Variants in TENT2 observed in about 807,000 individuals in gnomAD.
TENT2 encodes the protein terminal nucleotidyltransferase 2, also known as poly(A) RNA polymerase GLD2.
A neutral mutation model predicts 72.2 loss-of-function variants in TENT2; 44 were observed. That is an observed-to-expected ratio of 0.61 (90% CI 0.48 to 0.78). TENT2 has a LOEUF of 0.78. TENT2 is among the 30% of genes least tolerant of loss of function. The pLI, the probability that TENT2 is intolerant of heterozygous loss-of-function variation, is 0.00. For missense variants in TENT2, 541 were observed against 569.6 expected, an observed-to-expected ratio of 0.95 and a Z score of 0.51; for synonymous variants, 212 against 192.5, an observed-to-expected ratio of 1.10 and a Z score of -0.84.
In TENT2 at chr5:79,685,288, T is replaced by G; in HGVS notation, c.*15T>G. The G allele has an allele frequency of 6.5e-7, 1 of 1,532,208 alleles. No individual in the cohort carries two copies. Among genetic ancestry groups the G allele is most frequent in the Admixed American group, 2.1e-5 (1 of 48,220 alleles). 94.9% of individuals were successfully genotyped at this position (1,532,208 alleles called of 1,614,324 possible). ...TGAAAAGATAACTGGCCTCTATTTC[T>G]TAATAAATTCTTCCAAGAAATAAAG... is the stretch of plus-strand genomic sequence containing the variant. On this transcript the variant is annotated 3_prime_UTR_variant, in exon 15 of 15. Transcript: ENST00000453514.
chr5:79,660,675 A>T (rs1431094805), intron 11 of TENT2, among the ~76,000 whole-genome samples: 1 of 152,216 alleles, frequency 6.6e-6, no homozygotes, highest in East Asian at 1.9e-4. Context: ...TGGTCTCATA[A>T]GATGGTGATA....
chr5:79,678,721 C>T (rs568649014), intron 12 of TENT2, among the ~76,000 whole-genome samples: 19 of 152,170 alleles, frequency 1.2e-4, no homozygotes, highest in East Asian at 3.9e-4. Context: ...CCACTTCTAT[C>T]GAAAATTTCA....
At chr5:79,669,950 C>T (rs942740430) in intron 12 of TENT2, among the ~76,000 whole-genome samples, 6 of 151,928 alleles carry the variant, frequency 3.9e-5, no homozygotes, top group African/African-American at 7.3e-5. Context: ...TATTTCAGGC[C>T]GGGCGCGGTA....
chr5:79,653,882 C>T (rs1452186921), intron 10 of TENT2, among the ~76,000 whole-genome samples: 1 of 152,206 alleles, frequency 6.6e-6, no homozygotes, highest in Non-Finnish European at 1.5e-5. Context: ...CCTCACTGGC[C>T]TTAATCTCAC....
chr5:79,620,627 CTCT>C (rs1196902366), intron 3 of TENT2: 5 of 152,252 alleles, frequency 3.3e-5, no homozygotes, highest in East Asian at 3.8e-4. Flanking sequence ...GTGTCCTCAT[CTCT>C]TCTTCTAAGG....
At chr5:79,679,457 T>A in intron 12 of TENT2, 122 bp from the exon 13 acceptor site, 1 of 483,654 alleles carries the variant, frequency 2.1e-6, no homozygotes, top group Non-Finnish European at 3.5e-6. Context: ...GTGCTGAGGG[T>A]TGGGGCACAG....
At chr5:79,679,429 TG>T (rs944265796) in intron 12 of TENT2, 149 bp from the exon 13 acceptor site, 12 of 405,974 alleles carry the variant, frequency 3.0e-5, no homozygotes, top group Non-Finnish European at 4.8e-5. Context: ...AATATAGAGG[TG>T]GGAAATAGGG....
At chr5:79,648,816 G>A (rs1791234766) in intron 9 of TENT2, 123 bp downstream of exon 9, 1 of 829,586 alleles carries the variant, frequency 1.2e-6, no homozygotes, top group African/African-American at 1.7e-5. Context: ...TATTTTATTT[G>A]TATATGTTGC....
chr5:79,624,691 A>G (rs947839879), intron 4 of TENT2, among the ~76,000 whole-genome samples: 2 of 152,174 alleles, frequency 1.3e-5, no homozygotes, highest in African/African-American at 4.8e-5. Flanking sequence ...TTTTTCATTT[A>G]GCATGTTTTC....
chr5:79,629,259 C>T (rs1009969612), intron 4 of TENT2, among the ~76,000 whole-genome samples: 1 of 152,248 alleles, frequency 6.6e-6, no homozygotes, highest in African/African-American at 2.4e-5. Context: ...CTCTGTTTAC[C>T]AATCACATAT....
chr5:79,666,719 C>G (rs1808404155), intron 11 of TENT2, among the ~76,000 whole-genome samples: 1 of 152,092 alleles, frequency 6.6e-6, no homozygotes. Flanking sequence ...GGAAAGTGAT[C>G]ATCTTTCACT....
chr5:79,649,794 C>T (rs920124391), intron 10 of TENT2, among the ~76,000 whole-genome samples: 3 of 152,062 alleles, frequency 2.0e-5, no homozygotes, highest in African/African-American at 2.4e-5. Flanking sequence ...AGAATTTTTA[C>T]GGTACTGAAA....
In TENT2 at chr5:79,620,027, A is replaced by G; in HGVS notation, c.171A>G (p.Thr57=). The G allele has an allele frequency of 2.5e-6, 4 of 1,612,298 alleles. No homozygotes were observed. Among genetic ancestry groups the G allele is most frequent in the Non-Finnish European group, 3.4e-6 (4 of 1,178,938 alleles). ...GAGCTGTGTCATTACAGCAGCTGAC[A>G]TATGGAAATGTCAGTCCAATACAGA... The part of the protein sequence containing the change: ...LSRAVSLQQL[T]YGNVSPIQTS... The change falls in exon 3 of 15, where the codon ACA becomes ACG. Residue 57 remains threonine (T), a synonymous_variant. Coordinates refer to ENST00000453514, the MANE Select transcript of TENT2 (RefSeq NM_001114394.3).
At chr5:79,678,707 G>T (rs554852987) in intron 12 of TENT2, among the ~76,000 whole-genome samples, 4 of 152,208 alleles carry the variant, frequency 2.6e-5, no homozygotes, top group African/African-American at 4.8e-5. Context: ...TCCTAAAACA[G>T]CATCCACTTC....
intron 3 of TENT2, among the ~76,000 whole-genome samples, chr5:79,622,520 T>G (rs1046973991): frequency 6.6e-6 from 1 of 152,196 alleles, no homozygotes; most frequent in Admixed American, 6.5e-5. Context: ...TCTGTATGCC[T>G]TTTGCCTAGA....
Position 79,640,863 on chromosome 5 carries a change from A to G in TENT2, c.478A>G (p.Ile160Val), listed in dbSNP as rs1342538422. 1 of 1,605,678 alleles carries G rather than the reference A, an allele frequency of 6.2e-7. No individual in the cohort carries two copies. Among genetic ancestry groups the G allele is most frequent in the African/African-American group, 1.3e-5 (1 of 74,516 alleles). The change falls in exon 5 of 15, where the codon ATA (isoleucine) becomes GTA (valine). Residue 160 changes from isoleucine to valine, a missense_variant. Coordinates refer to ENST00000453514, the MANE Select transcript of TENT2 (RefSeq NM_001114394.3). The stretch of plus-strand genomic sequence containing the variant: ...CGGTGGATTCAAGTTGAGTCAGCAG[A>G]TACTGGAGTTATTTGAAACATGTCA... ...PEAKDKLSQQILELFETCQQQ... is the reference protein window; with the variant it reads ...PEAKDKLSQQVLELFETCQQQ...
chr5:79,655,478 C>T (rs778124233), intron 10 of TENT2, among the ~76,000 whole-genome samples: 3 of 151,884 alleles, frequency 2.0e-5, no homozygotes, highest in Non-Finnish European at 4.4e-5. Flanking sequence ...TTTTAGTATA[C>T]TAGAGTATTG....
At position 79,687,532 on chromosome 5, in the gene TENT2, G is replaced by A. The variant is rs892095925; in HGVS notation, c.*2259G>A. On this transcript the variant is annotated 3_prime_UTR_variant, in exon 15 of 15. Transcript: ENST00000453514. Reference sequence around the variant, plus strand: ...AAATCATCTCTAAATTACCTGATACGTAATACAATGTAAATGCTATGTAAA... The same window carrying A: ...AAATCATCTCTAAATTACCTGATACATAATACAATGTAAATGCTATGTAAA... 2.0e-5 allele frequency among the ~76,000 whole-genome samples: 3 copies of A among 152,082 alleles called. No individual in the cohort carries two copies. The highest frequency in any genetic ancestry group is 6.5e-5 in the Admixed American group (1 of 15,268).
chr5:79,626,433 G>A (rs1272505680), intron 4 of TENT2, among the ~76,000 whole-genome samples: 5 of 150,724 alleles, frequency 3.3e-5, no homozygotes, highest in South Asian at 2.1e-4. Context: ...TCAGCCTCCC[G>A]AGTAGCTGGG....
Sources: gnomAD v4.1 joint callset for allele counts (sites outside exome capture counted in the v4.1 genomes callset) on GRCh38, gnomAD v4.1.1 for gene constraint, MANE v1.5 for transcripts, NCBI Gene and HGNC (gene_info 2026-07-23, HGNC 2026-07-21) for gene names.